UBTD2: variants seen among roughly 807,000 people sequenced by gnomAD.
UBTD2 encodes the protein ubiquitin domain-containing protein 2.
UBTD2 carries 9 observed loss-of-function variants against 19.8 expected under a neutral mutation model. The observed-to-expected ratio is 0.46, with a 90% CI of 0.27 to 0.79. The LOEUF (loss-of-function observed/expected upper bound fraction) is 0.79, where lower values mean the gene tolerates loss of function less well. Ranked by LOEUF, UBTD2 falls within the 30% of genes least tolerant of loss-of-function variation. UBTD2 has a pLI of 0.14. For synonymous variants in UBTD2, 98 were observed against 103.9 expected, an observed-to-expected ratio of 0.94 and a Z score of 0.35; for missense variants, 250 against 300.4, an observed-to-expected ratio of 0.83 and a Z score of 1.24.
chr5:172,247,809 T>G (rs185269945), intron 1 of UBTD2, among the ~76,000 whole-genome samples: 3 of 152,314 alleles, frequency 2.0e-5, no homozygotes, highest in Non-Finnish European at 2.9e-5. Context: ...AACTGGAGAC[T>G]TGAACACTAT....
At chr5:172,271,659 G>C (rs1755495492) in intron 1 of UBTD2, among the ~76,000 whole-genome samples, 1 of 152,134 alleles carries the variant, frequency 6.6e-6, no homozygotes, top group Non-Finnish European at 1.5e-5. Context: ...CAAGTGCTGG[G>C]AGTTGGAATA....
At position 172,238,645 on chromosome 5, in the gene UBTD2, AAC is replaced by A. The variant is rs531552483; in HGVS notation, c.71-4289_71-4288del. On this transcript the variant is annotated intron_variant, in intron 1 of 2. Coordinates refer to ENST00000393792, the MANE Select transcript of UBTD2 (RefSeq NM_152277.3). ...TAAGGCTTGTTTCTCAGATCTAAAT[AAC>A]ACATAATTTTAAATATTTTTACTAC... Among the ~76,000 whole-genome samples the A allele has an allele frequency of 3.8e-3, 573 of 152,334 alleles. 4 individuals are homozygous for A. Among genetic ancestry groups the A allele is most frequent in the African/African-American group, 0.013 (549 of 41,582 alleles).
intron 1 of UBTD2, among the ~76,000 whole-genome samples, chr5:172,235,847 A>G (rs941810147): frequency 3.3e-5 from 5 of 152,214 alleles, no homozygotes; most frequent in African/African-American, 4.8e-5. Flanking sequence ...GGATGAAAAG[A>G]TAAGAAGAGT....
chr5:172,242,446 A>C (rs1190809518), intron 1 of UBTD2: 1 of 985,222 alleles, frequency 1.0e-6, no homozygotes, highest in Non-Finnish European at 1.2e-6. Flanking sequence ...AGCATTTCTC[A>C]GCTGGGGACA....
At position 172,262,446 on chromosome 5, in the gene UBTD2, CAAAAAA is replaced by C. The variant is rs1191776236; in HGVS notation, c.70+21144_70+21149del. ...GCCTGGGTGACAGAGACAGATCCAC[CAAAAAA>C]AAAAAAAAAAAAAAAACAAGAAAAT... is the stretch of plus-strand genomic sequence containing the variant. On this transcript the variant is annotated intron_variant, in intron 1 of 2. Coordinates refer to ENST00000393792, the MANE Select transcript of UBTD2 (RefSeq NM_152277.3). Among the ~76,000 whole-genome samples the C allele has an allele frequency of 2.0e-4, 10 of 48,892 alleles. 1 individual carries two copies. Among genetic ancestry groups the C allele is most frequent in the Non-Finnish European group, 4.2e-5 (1 of 23,976 alleles). 32.1% of individuals were successfully genotyped at this position (48,892 alleles called of 152,430 possible).
chr5:172,231,205 A>G (rs1237369601), intron 2 of UBTD2, among the ~76,000 whole-genome samples: 1 of 152,254 alleles, frequency 6.6e-6, no homozygotes, highest in Non-Finnish European at 1.5e-5. Context: ...GAGTTAGAGT[A>G]CATGACAAAA....
chr5:172,257,876 T>TG (rs1467363389), intron 1 of UBTD2, among the ~76,000 whole-genome samples: 1 of 152,200 alleles, frequency 6.6e-6, no homozygotes, highest in Non-Finnish European at 1.5e-5. Context: ...GCTTTTTGTC[T>TG]GTTAAGTTTC....
intron 2 of UBTD2, among the ~76,000 whole-genome samples, chr5:172,218,810 T>TAAAA (rs1241151556): frequency 7.8e-6 from 1 of 128,340 alleles, no homozygotes; most frequent in African/African-American, 3.1e-5. Context: ...AAAAAAAAAA[T>TAAAA]AAAAAATAAA....
intron 2 of UBTD2, 64 bp from the exon 3 acceptor site, chr5:172,212,291 C>A: frequency 6.7e-7 from 1 of 1,503,704 alleles, no homozygotes; most frequent in Non-Finnish European, 8.9e-7. Flanking sequence ...GTTTATGCCT[C>A]ACAAAATGCT....
intron 1 of UBTD2, among the ~76,000 whole-genome samples, chr5:172,269,469 C>T (rs896142227): frequency 1.8e-4 from 23 of 131,116 alleles, no homozygotes; most frequent in African/African-American, 6.7e-4. Context: ...CCGGTCTGGG[C>T]AACAGAGTGA....
chr5:172,259,538 T>TA (rs1363271024), intron 1 of UBTD2, among the ~76,000 whole-genome samples: 3 of 151,930 alleles, frequency 2.0e-5, no homozygotes, highest in African/African-American at 7.3e-5. Flanking sequence ...ATTAATACAA[T>TA]AAAAAACATA....
At chr5:172,238,441 T>C (rs1772055104) in intron 1 of UBTD2, among the ~76,000 whole-genome samples, 1 of 152,210 alleles carries the variant, frequency 6.6e-6, no homozygotes, top group Non-Finnish European at 1.5e-5. Flanking sequence ...ACACAATCTA[T>C]TTCAGAAAAT....
At chr5:172,273,580 G>T (rs1755543733) in intron 1 of UBTD2, among the ~76,000 whole-genome samples, 1 of 118,438 alleles carries the variant, frequency 8.4e-6, no homozygotes, top group Non-Finnish European at 1.6e-5. Context: ...GACAGAGTGA[G>T]ACTCCGTCTC....
rs1421336355 is a variant in UBTD2, at chr5:172,256,217, G to C, written c.71-21859C>G. ...ATTCCCAAACCAGAACATCAGTAAA[G>C]CCACTCTATTAAGTCATAGCTGTGA... On this transcript the variant is annotated intron_variant, in intron 1 of 2. Transcript: ENST00000393792. Among the ~76,000 whole-genome samples the C allele has an allele frequency of 3.9e-5, 6 of 152,168 alleles. No homozygotes were observed. The East Asian group carries it at 1.2e-3, about 29-fold the overall frequency.
intron 1 of UBTD2, among the ~76,000 whole-genome samples, chr5:172,246,790 G>A (rs1237728213): frequency 9.3e-6 from 1 of 107,184 alleles, no homozygotes; most frequent in Non-Finnish European, 1.7e-5. Context: ...TTGAGACAGA[G>A]TCTTGCTCTG....
intron 2 of UBTD2, among the ~76,000 whole-genome samples, chr5:172,225,858 G>C (rs916081638): frequency 6.6e-6 from 1 of 151,882 alleles, no homozygotes; most frequent in Non-Finnish European, 1.5e-5. Flanking sequence ...GTAGCACTAT[G>C]AGCCTCTTCC....
At chr5:172,217,930 T>A (rs1771577052) in intron 2 of UBTD2, among the ~76,000 whole-genome samples, 1 of 152,132 alleles carries the variant, frequency 6.6e-6, no homozygotes, top group African/African-American at 2.4e-5. Flanking sequence ...AATGGACAGA[T>A]CTAACAAGAA....
intron 2 of UBTD2, among the ~76,000 whole-genome samples, chr5:172,216,454 A>C (rs954592205): frequency 1.7e-4 from 26 of 151,482 alleles, no homozygotes; most frequent in African/African-American, 6.3e-4. Flanking sequence ...AAAAAAAAAA[A>C]CAAACAAAAA....
chr5:172,251,931 G>C (rs140464804), intron 1 of UBTD2, among the ~76,000 whole-genome samples: 13 of 152,324 alleles, frequency 8.5e-5, no homozygotes, highest in African/African-American at 2.9e-4. Context: ...TGGAAAGGAA[G>C]ATGAGGGAGA....
Sources: allele counts gnomAD v4.1 joint callset (sites outside exome capture counted in the v4.1 genomes callset), GRCh38; gene constraint gnomAD v4.1.1; transcripts MANE v1.5; gene names NCBI Gene and HGNC (gene_info 2026-07-23, HGNC 2026-07-21).